EVC2: variants seen among roughly 807,000 people sequenced by gnomAD.
EVC2 encodes EvC ciliary complex subunit 2.
EVC2 carries 148 observed loss-of-function variants against 149.3 expected under a neutral mutation model. The observed-to-expected ratio is 0.99, with a 90% confidence interval of 0.87 to 1.14. The LOEUF (loss-of-function observed/expected upper bound fraction) is 1.14. Among genes scored for constraint, EVC2 ranks in the 50% most tolerant of loss-of-function variants. EVC2 has a pLI of 0.00. For missense variants in EVC2, 1,854 were observed against 1,627.3 expected, an observed-to-expected ratio of 1.14 and a Z score of -2.40; for synonymous variants, 776 against 649.9, an observed-to-expected ratio of 1.19 and a Z score of -2.95.
chr4:5,561,065 A>T (rs1025028731), downstream of EVC2, among the ~76,000 whole-genome samples: 3 of 152,352 alleles, frequency 2.0e-5, no homozygotes, highest in Admixed American at 6.5e-5. Context: ...CAGCCTCTTC[A>T]ATCAGGCTTC....
chr4:5,591,889 T>G (rs1281035178), intron 16 of EVC2, among the ~76,000 whole-genome samples: 2 of 152,210 alleles, frequency 1.3e-5, no homozygotes, highest in Non-Finnish European at 2.9e-5. Context: ...CTAAATACTC[T>G]TTAAACGAGA....
Position 5,569,494 on chromosome 4 carries a change from CAAAATTA to C in EVC2, c.3361-861_3361-855del, listed in dbSNP as rs1262666364. On this transcript the variant is annotated intron_variant, in intron 19 of 21. Transcript: ENST00000344408. The surrounding 1 kb of genome is among the most constrained non-coding windows in gnomAD (Gnocchi z 4.8). ...ACTTCTTGTGAATCTAAAATAACTT[CAAAATTA>C]AAAATTTTGGCCAGGCATGGGGGCT... 6.6e-6 allele frequency among the ~76,000 whole-genome samples: 1 copy of C among 152,110 alleles called. No individual in the cohort carries two copies. Among genetic ancestry groups the C allele is most frequent in the African/African-American group, 2.4e-5 (1 of 41,416 alleles).
rs193056135 is a variant in EVC2, at chr4:5,635,303, T to C, written c.1471-3271A>G. ...CCACCTGTCTCGGCATCCCAAAGTG[T>C]TGGGATTACCACACCTGGCCACAAA... On this transcript the variant is annotated intron_variant, in intron 10 of 21. Coordinates refer to ENST00000344408, the MANE Select transcript of EVC2 (RefSeq NM_147127.5). Among the ~76,000 whole-genome samples the C allele has an allele frequency of 3.3e-3, 500 of 152,150 alleles. 3 individuals are homozygous for C. In the South Asian group the frequency reaches 0.037, roughly 11 times the overall value.
rs1722060617 is a variant in EVC2, at chr4:5,563,107, T to G, written c.3668A>C (p.Lys1223Thr). Reference protein sequence around the residue: ...WARKRKQSILKKTCLPLRERM... With the variant: ...WARKRKQSILTKTCLPLRERM... The stretch of plus-strand genomic sequence containing the variant: ...CTCTCTGAGAGGGAGACATGTCTTC[T>G]TTAATATGCTAAAGAAATAGCAAAA... Residue 1223 changes from lysine (K) to threonine (T), a missense_variant, in exon 22 of 22, where the codon AAG becomes ACG. Coordinates refer to ENST00000344408, the MANE Select transcript of EVC2 (RefSeq NM_147127.5). 3.7e-6 allele frequency: 6 copies of G among 1,613,698 alleles called. No individual in the cohort carries two copies. The highest frequency in any genetic ancestry group is 5.1e-6 in the Non-Finnish European group (6 of 1,180,012).
chr4:5,669,222 G>T (rs533751866), intron 7 of EVC2, among the ~76,000 whole-genome samples: 2 of 152,314 alleles, frequency 1.3e-5, no homozygotes, highest in South Asian at 4.2e-4. Flanking sequence ...TTAAATTGTT[G>T]TATTAAGGTA....
intron 7 of EVC2, among the ~76,000 whole-genome samples, chr4:5,678,509 C>T (rs1269943089): frequency 6.6e-6 from 1 of 152,174 alleles, no homozygotes; most frequent in Non-Finnish European, 1.5e-5. Context: ...GGTACAACTA[C>T]AGGCATGCAT....
chr4:5,579,432 G>A (rs930184115), intron 17 of EVC2, among the ~76,000 whole-genome samples: 13 of 152,146 alleles, frequency 8.5e-5, no homozygotes, highest in Admixed American at 2.0e-4. Context: ...CTGTTCTTCC[G>A]GTCTAGATAC....
chr4:5,549,234 G>A (rs562192312), intron 21 of EVC2, among the ~76,000 whole-genome samples: 6 of 152,180 alleles, frequency 3.9e-5, no homozygotes, highest in South Asian at 2.1e-4. Context: ...TCATTGATTA[G>A]GCACTTAACC....
chr4:5,681,143 C>G, intron 7 of EVC2, 117 bp downstream of exon 7: 1 of 1,153,134 alleles, frequency 8.7e-7, no homozygotes, highest in East Asian at 2.3e-5. Flanking sequence ...CCAGTCTCAA[C>G]GCATAACTGG....
chr4:5,599,782 C>G (rs934449911), intron 16 of EVC2, among the ~76,000 whole-genome samples: 1 of 152,092 alleles, frequency 6.6e-6, no homozygotes, highest in African/African-American at 2.4e-5. Flanking sequence ...TCAGGTTAGT[C>G]TAATCCATGT....
At position 5,622,850 on chromosome 4, in the gene EVC2, G is replaced by C; in HGVS notation, c.2188C>G (p.Gln730Glu). ...GTCCTGAGATCGTCCAGGGCGGCCT[G>C]GTCCAGACGCTCCTGCAGCTCCTCC... ...TLEELQERLD[Q>E]AALDDLRTLT... is the part of the protein sequence containing the mutation. Residue 730 changes from glutamine (Q) to glutamate (E), a missense_variant, in exon 14 of 22, where the codon CAG (glutamine) becomes GAG (glutamate). Physicochemically the swap from Gln to Glu is conservative, Grantham distance 29 (BLOSUM62 2). Transcript: ENST00000344408. The surrounding 1 kb of genome is among the most constrained non-coding windows in gnomAD (Gnocchi z 5.8). 6.2e-7 allele frequency: 1 copy of C among 1,614,084 alleles called. No individual in the cohort carries two copies. The highest frequency in any genetic ancestry group is 8.5e-7 in the Non-Finnish European group (1 of 1,180,024).
At chr4:5,646,721 G>A (rs753405844) in intron 9 of EVC2, among the ~76,000 whole-genome samples, 15 of 152,124 alleles carry the variant, frequency 9.9e-5, no homozygotes, top group Non-Finnish European at 2.1e-4. Flanking sequence ...TTTAGCATGA[G>A]GCCAAAGGTT....
intron 16 of EVC2, among the ~76,000 whole-genome samples, chr4:5,603,051 TAAAAATG>T (rs1465887084): frequency 7.9e-5 from 12 of 152,116 alleles, no homozygotes; most frequent in Admixed American, 7.9e-4. Context: ...GTATGTTTGA[TAAAAATG>T]AAAAGTAAAA....
At chr4:5,674,667 G>C (rs766126091) in intron 7 of EVC2, among the ~76,000 whole-genome samples, 6 of 152,186 alleles carry the variant, frequency 3.9e-5, no homozygotes, top group Admixed American at 1.3e-4. Context: ...CTAAGAACAG[G>C]ATGTGCAAAA....
At chr4:5,581,729 G>A (rs1711820613) in intron 17 of EVC2, among the ~76,000 whole-genome samples, 1 of 152,220 alleles carries the variant, frequency 6.6e-6, no homozygotes, top group Non-Finnish European at 1.5e-5. Context: ...ATGGGAAACA[G>A]AAGGGTTTTC....
chr4:5,635,128 C>T (rs1716810358), intron 10 of EVC2, among the ~76,000 whole-genome samples: 1 of 148,408 alleles, frequency 6.7e-6, no homozygotes, highest in Non-Finnish European at 1.5e-5. Context: ...ACTCCGCCCT[C>T]TGGGTTCAAG....
chr4:5,540,255 C>G (rs978563679), downstream of EVC2, among the ~76,000 whole-genome samples: 1 of 152,228 alleles, frequency 6.6e-6, no homozygotes, highest in South Asian at 2.1e-4. Context: ...GGTGCAAACA[C>G]TGTGGAAAGC....
rs547991198 is a variant in EVC2, at chr4:5,546,278, G to A, written c.3420-3066C>T. On this transcript the variant is annotated intron_variant and NMD_transcript_variant, in intron 21 of 22. Transcript: ENST00000475313. Reference sequence around the variant, plus strand: ...GCACATGCATACGTATGTTTACTGCGGCACTGTTCACAATAGCAAAGACTT... The same window carrying A: ...GCACATGCATACGTATGTTTACTGCAGCACTGTTCACAATAGCAAAGACTT... 1.1e-4 allele frequency among the ~76,000 whole-genome samples: 16 copies of A among 152,232 alleles called. 1 individual carries two copies. The highest frequency in any genetic ancestry group is 3.6e-4 in the African/African-American group (15 of 41,538).
In EVC2 at chr4:5,576,456, T is replaced by C. The variant is rs760066386; in HGVS notation, c.3058-2A>G. ...CTTCCTCTCCAACTCCTGGAGCTCC[T>C]ACACAAGGAAGGGGCAGAGGGTAAG... On this transcript the variant is annotated splice_acceptor_variant, in intron 17 of 21. Transcript: ENST00000344408. LOFTEE classifies it high-confidence loss of function. The surrounding 1 kb of genome is among the most constrained non-coding windows in gnomAD (Gnocchi z 4.5). The C allele has an allele frequency of 1.3e-6, 2 of 1,587,842 alleles. No homozygotes were observed. Among genetic ancestry groups the C allele is most frequent in the Admixed American group, 3.6e-5 (2 of 55,558 alleles).
Sources: allele counts gnomAD v4.1 joint callset (sites outside exome capture counted in the v4.1 genomes callset), GRCh38; gene constraint gnomAD v4.1.1; non-coding constraint Gnocchi (gnomAD v3.1); transcripts MANE v1.5; gene names NCBI Gene and HGNC (gene_info 2026-07-23, HGNC 2026-07-21).